The following ANKS6 variants were observed in gnomAD, a reference collection of about 807,000 sequenced individuals.
The protein encoded by ANKS6 is ankyrin repeat and sterile alpha motif domain containing 6, also known as ankyrin repeat and SAM domain-containing protein 6.
ANKS6 carries 47 observed loss-of-function variants against 77.9 expected under a neutral mutation model. The ratio of observed to expected loss-of-function variants is 0.60; its 90% CI spans 0.48 to 0.77. The LOEUF (loss-of-function observed/expected upper bound fraction) is 0.77. ANKS6 is among the 30% of genes least tolerant of loss of function. The pLI is 0.00. For missense variants in ANKS6, 1,150 were observed against 1,159.1 expected, an observed-to-expected ratio of 0.99 and a Z score of 0.11; for synonymous variants, 488 against 501.7, an observed-to-expected ratio of 0.97 and a Z score of 0.37.
At position 98,735,543 on chromosome 9, in the gene ANKS6, C is replaced by T; in HGVS notation, c.*976G>A. 8.1e-7 allele frequency: 1 copy of T among 1,230,404 alleles called. No individual in the cohort carries two copies. The highest frequency in any genetic ancestry group is 1.0e-6 in the Non-Finnish European group (1 of 987,664). 76.2% of individuals were successfully genotyped at this position (1,230,404 alleles called of 1,614,324 possible). Reference sequence around the variant, plus strand: ...ATGTAGACAAAATTCCAAATTTTCACTTCTTTGCCTAGAAACTTTGAGCAC... The same window carrying T: ...ATGTAGACAAAATTCCAAATTTTCATTTCTTTGCCTAGAAACTTTGAGCAC... On this transcript the variant is annotated 3_prime_UTR_variant, in exon 15 of 15. Coordinates refer to ENST00000353234, the MANE Select transcript of ANKS6 (RefSeq NM_173551.5).
rs1422635250 is a variant in ANKS6, at chr9:98,796,456, C to T, written c.36G>A (p.Leu12=). 1.0e-5 allele frequency: 10 copies of T among 993,652 alleles called. No homozygotes were observed. Among genetic ancestry groups the T allele is most frequent in the Non-Finnish European group, 1.2e-5 (10 of 837,366 alleles). 61.6% of individuals were successfully genotyped at this position (993,652 alleles called of 1,614,324 possible). A position where few individuals can be genotyped will look rare whatever the true frequency, so the allele number is the denominator to read the frequency against. Residue 12 remains leucine, a synonymous_variant, in exon 1 of 15, where the codon CTG becomes CTA. Coordinates refer to ENST00000353234, the MANE Select transcript of ANKS6 (RefSeq NM_173551.5). ...GEGGLPPAFQ[L]LLRACDQGDT... is the part of the protein sequence containing the mutation. The stretch of plus-strand genomic sequence containing the variant: ...CGCCCTGGTCACACGCGCGCAGCAG[C>T]AGCTGGAAGGCCGGGGGCAGCCCGC...
Position 98,761,513 on chromosome 9 carries a change from A to T in ANKS6, c.2143-4910T>A, listed in dbSNP as rs1833007951. On this transcript the variant is annotated intron_variant, in intron 11 of 14. Coordinates refer to ENST00000353234, the MANE Select transcript of ANKS6 (RefSeq NM_173551.5). ...CTGTGGCATGACTTTTCATTTTCTTAATGGTATCTTTTACCAGGCAAAAGA... is the reference window on the plus strand; with the variant it reads ...CTGTGGCATGACTTTTCATTTTCTTTATGGTATCTTTTACCAGGCAAAAGA... Among the ~76,000 whole-genome samples, 2 of 152,166 alleles carry T rather than the reference A, an allele frequency of 1.3e-5. 1 individual carries two copies. Among genetic ancestry groups the T allele is most frequent in the South Asian group, 4.1e-4 (2 of 4,826 alleles).
rs1831248141 is a variant in ANKS6 at position 98,732,381 on chromosome 9, G to A, written c.*4138C>T. The A allele has an allele frequency of 3.5e-6, 4 of 1,138,394 alleles. No individual in the cohort carries two copies. The highest frequency in any genetic ancestry group is 2.4e-5 in the Admixed American group (1 of 40,870). 70.5% of individuals were successfully genotyped at this position (1,138,394 alleles called of 1,614,324 possible). A position where few individuals can be genotyped will look rare whatever the true frequency, so the allele number is the denominator to read the frequency against. On this transcript the variant is annotated 3_prime_UTR_variant, in exon 15 of 15. Coordinates refer to ENST00000353234, the MANE Select transcript of ANKS6 (RefSeq NM_173551.5). ...ACTTGGTCAAACTATCTTTCTTTCT[G>A]TCTGCCATGCCAGGAAATCCAGTGA...
chr9:98,745,508 G>A (rs755531765), intron 14 of ANKS6, 51 bp downstream of exon 14: 1 of 1,537,680 alleles, frequency 6.5e-7, no homozygotes, highest in Admixed American at 1.7e-5. Flanking sequence ...GGACCCTGGT[G>A]AAGCTCTCAG....
At chr9:98,776,083 T>C (rs538471345) in intron 8 of ANKS6, among the ~76,000 whole-genome samples, 2 of 152,284 alleles carry the variant, frequency 1.3e-5, no homozygotes, top group African/African-American at 4.8e-5. Flanking sequence ...AGTCCAACTT[T>C]AACCACTAAG....
intron 8 of ANKS6, among the ~76,000 whole-genome samples, chr9:98,776,531 T>C (rs898682742): frequency 4.6e-5 from 7 of 151,658 alleles, no homozygotes; most frequent in Non-Finnish European, 1.0e-4. Context: ...CTCCCGAGTA[T>C]CTGGTATTAC....
At chr9:98,745,344 C>T (rs896429630) in intron 14 of ANKS6, among the ~76,000 whole-genome samples, 1 of 152,212 alleles carries the variant, frequency 6.6e-6, no homozygotes, top group Admixed American at 6.5e-5. Flanking sequence ...AGGGCCACAC[C>T]TAGCCCTGTG....
chr9:98,736,225 G>A lies in ANKS6; in HGVS notation c.*294C>T, dbSNP rs1831493882. 2 of 1,213,248 alleles carry A rather than the reference G, an allele frequency of 1.6e-6. No homozygotes were observed. Among genetic ancestry groups the A allele is most frequent in the Non-Finnish European group, 1.0e-6 (1 of 974,046 alleles). 75.2% of individuals were successfully genotyped at this position (1,213,248 alleles called of 1,614,324 possible). On this transcript the variant is annotated 3_prime_UTR_variant, in exon 15 of 15. Transcript: ENST00000353234. ...CAGAAGCAAACTCTGAGGCTCCCGG[G>A]GAGGGCAGAGCACAGGATGAAAGGA...
chr9:98,774,385 C>T (rs534540378), intron 8 of ANKS6, among the ~76,000 whole-genome samples: 3 of 152,220 alleles, frequency 2.0e-5, no homozygotes, highest in Admixed American at 6.5e-5. Flanking sequence ...GGCAGGGGAA[C>T]TGGGAGAACA....
At chr9:98,774,127 CA>C in intron 8 of ANKS6, 47 bp from the exon 9 acceptor site, 1 of 1,384,704 alleles carries the variant, frequency 7.2e-7, no homozygotes, top group Non-Finnish European at 9.4e-7. Context: ...GGAGGGCTCC[CA>C]ACTCTGCAGG....
Position 98,734,921 on chromosome 9 carries a change from T to C in ANKS6, c.*1598A>G. ...CTGTGAGTGTAAGGCTGAGAGAATT[T>C]AAAGGAAAAACACCCAACCATCAGG... On this transcript the variant is annotated 3_prime_UTR_variant, in exon 15 of 15. Transcript: ENST00000353234. 1 of 985,388 alleles carries C rather than the reference T, an allele frequency of 1.0e-6. No homozygotes were observed. The highest frequency in any genetic ancestry group is 1.2e-6 in the Non-Finnish European group (1 of 829,948). 61.0% of individuals were successfully genotyped at this position (985,388 alleles called of 1,614,324 possible).
rs1831347579 is a variant in ANKS6, at chr9:98,733,972, G to A, written c.*2547C>T. ...CCACAGGCAGGCTGGGGACACGTGT[G>A]GGAAGGGAAGGGGGTGATCAAGGAC... On this transcript the variant is annotated 3_prime_UTR_variant, in exon 15 of 15. Coordinates refer to ENST00000353234, the MANE Select transcript of ANKS6 (RefSeq NM_173551.5). The A allele has an allele frequency of 1.0e-6, 1 of 985,274 alleles. No homozygotes were observed. Among genetic ancestry groups the A allele is most frequent in the Non-Finnish European group, 1.2e-6 (1 of 829,968 alleles). 61.0% of individuals were successfully genotyped at this position (985,274 alleles called of 1,614,324 possible). A position where few individuals can be genotyped will look rare whatever the true frequency, so the allele number is the denominator to read the frequency against.
Position 98,778,396 on chromosome 9 carries a change from A to T in ANKS6, c.1397T>A (p.Phe466Tyr), listed in dbSNP as rs1834038380. The T allele has an allele frequency of 6.2e-7, 1 of 1,614,026 alleles. No individual in the cohort carries two copies. The highest frequency in any genetic ancestry group is 1.3e-5 in the African/African-American group (1 of 74,994). The change falls in exon 7 of 15, where the codon TTC becomes TAC. Residue 466 changes from phenylalanine (F) to tyrosine (Y), a missense_variant. Physicochemically the swap from Phe to Tyr is conservative, Grantham distance 22 (BLOSUM62 3). Coordinates refer to ENST00000353234, the MANE Select transcript of ANKS6 (RefSeq NM_173551.5). Reference sequence around the variant, plus strand: ...CGTCTGCATCAGTTTGAGCTTTCGGAACCGATTGGACATTCGGTTCCACCA... The same window carrying T: ...CGTCTGCATCAGTTTGAGCTTTCGGTACCGATTGGACATTCGGTTCCACCA... ...KSWWNRMSNR[F>Y]RKLKLMQTLP...
intron 7 of ANKS6, among the ~76,000 whole-genome samples, chr9:98,778,005 C>T (rs1327840283): frequency 6.6e-6 from 1 of 152,218 alleles, no homozygotes; most frequent in African/African-American, 2.4e-5. Context: ...GGGACAGGAA[C>T]CTGGGCCTCT....
At chr9:98,780,076 C>T in intron 6 of ANKS6, 113 bp downstream of exon 6, 4 of 1,434,922 alleles carry the variant, frequency 2.8e-6, no homozygotes, top group East Asian at 2.4e-5. Context: ...CACCTGCCAC[C>T]CCTGCAGGGA....
At chr9:98,771,567 C>A (rs1349281719) in intron 9 of ANKS6, among the ~76,000 whole-genome samples, 1 of 152,198 alleles carries the variant, frequency 6.6e-6, no homozygotes, top group Non-Finnish European at 1.5e-5. Flanking sequence ...TCCTCTCCAC[C>A]CTGACCTCAC....
intron 13 of ANKS6, among the ~76,000 whole-genome samples, chr9:98,748,373 G>T (rs1832256721): frequency 6.6e-6 from 1 of 152,142 alleles, no homozygotes; most frequent in African/African-American, 2.4e-5. Context: ...AAATATCCCA[G>T]TATCCTTTCA....
At position 98,790,182 on chromosome 9, in the gene ANKS6, A is replaced by T. The variant is rs1240264917; in HGVS notation, c.784T>A (p.Phe262Ile). Reference protein sequence around the residue: ...DHLSVLEKTAFEVALDCKHRD... With the variant: ...DHLSVLEKTAIEVALDCKHRD... ...TGCTTGCAGTCCAGTGCAACCTCGA[A>T]GGCGGTCTTCTCCAGCACGCTGAGG... The change falls in exon 2 of 15, where the codon TTC becomes ATC. Residue 262 changes from phenylalanine (F) to isoleucine (I), a missense_variant. Physicochemically the swap from Phe to Ile is conservative, Grantham distance 21 (BLOSUM62 0). Transcript: ENST00000353234. 1 of 1,602,226 alleles carries T rather than the reference A, an allele frequency of 6.2e-7. No individual in the cohort carries two copies. Among genetic ancestry groups the T allele is most frequent in the Non-Finnish European group, 8.5e-7 (1 of 1,170,392 alleles).
chr9:98,769,057 G>T (rs892723216), intron 10 of ANKS6, among the ~76,000 whole-genome samples: 5 of 72,818 alleles, frequency 6.9e-5, no homozygotes, highest in Non-Finnish European at 6.4e-5. Context: ...AACCCAGAAG[G>T]GGGAGGCTGC....
Sources: gnomAD v4.1 joint callset for allele counts (sites outside exome capture counted in the v4.1 genomes callset) on GRCh38, gnomAD v4.1.1 for gene constraint, MANE v1.5 for transcripts, NCBI Gene and HGNC (gene_info 2026-07-23, HGNC 2026-07-21) for gene names.